The following JAKMIP1 variants were observed in gnomAD, a reference collection of about 807,000 sequenced individuals.
JAKMIP1 encodes the protein janus kinase and microtubule interacting protein 1.
JAKMIP1 carries 33 observed loss-of-function variants against 113.0 expected under a neutral mutation model. That is an observed-to-expected ratio of 0.29 (90% CI 0.22 to 0.39). The LOEUF is 0.39. JAKMIP1 is among the 10% of genes least tolerant of loss of function. JAKMIP1 has a pLI of 1.00. For synonymous variants in JAKMIP1, 480 were observed against 459.9 expected, an observed-to-expected ratio of 1.04 and a Z score of -0.56; for missense variants, 813 against 1,080.5, an observed-to-expected ratio of 0.75 and a Z score of 3.47.
chr4:6,080,429 GA>G lies in JAKMIP1; in HGVS notation c.1102-118del. The G allele has an allele frequency of 8.1e-7, 1 of 1,240,296 alleles. No individual in the cohort carries two copies. The highest frequency in any genetic ancestry group is 1.1e-6 in the Non-Finnish European group (1 of 892,256). The allele number at this position is 1,240,296 out of a possible 1,614,324, so 76.8% of individuals were successfully genotyped here. A position where few individuals can be genotyped will look rare whatever the true frequency, so the allele number is the denominator to read the frequency against. On this transcript the variant is annotated intron_variant, in intron 6 of 20. Coordinates refer to ENST00000409021, the MANE Select transcript of JAKMIP1 (RefSeq NM_001099433.2). This position sits in a 1 kb window ranked among gnomAD's most constrained non-coding sequence, Gnocchi z 6.0. ...CAGAAGGATGGATGGGAGGATGAAAGAGATGATGGCCTGATATGGTTTGGCT... is the reference window on the plus strand; with the variant it reads ...CAGAAGGATGGATGGGAGGATGAAAGGATGATGGCCTGATATGGTTTGGCT...
intron 1 of JAKMIP1, among the ~76,000 whole-genome samples, chr4:6,170,281 C>T (rs1156700892): frequency 7.4e-5 from 11 of 147,962 alleles, no homozygotes; most frequent in Admixed American, 2.7e-4. Flanking sequence ...CCACCATCAC[C>T]ACCACCATCA....
In JAKMIP1 at chr4:6,049,802, C is replaced by T. The variant is rs763107550; in HGVS notation, c.1962+17G>A. On this transcript the variant is annotated intron_variant, in intron 15 of 20. Transcript: ENST00000409021. The surrounding 1 kb of genome is among the most constrained non-coding windows in gnomAD (Gnocchi z 7.0). ...AAAACAAGAACACGAAAGCAGAAAC[C>T]GATCGCTCATAGTTACCCCGTTATC... 70 of 1,596,896 alleles carry T rather than the reference C, an allele frequency of 4.4e-5. No individual in the cohort carries two copies. Among genetic ancestry groups the T allele is most frequent in the Non-Finnish European group, 5.8e-5 (67 of 1,164,956 alleles).
In JAKMIP1 at chr4:6,059,919, C is replaced by T. The variant is rs958818277; in HGVS notation, c.1644+505G>A. On this transcript the variant is annotated intron_variant, in intron 11 of 20. Coordinates refer to ENST00000409021, the MANE Select transcript of JAKMIP1 (RefSeq NM_001099433.2). This position sits in a 1 kb window ranked among gnomAD's most constrained non-coding sequence, Gnocchi z 4.8. ...GGCATTGCTTTTCTGCTGTGTCTCACTGTCAACCAGCCTTGCCTAATCAAA... is the reference window on the plus strand; with the variant it reads ...GGCATTGCTTTTCTGCTGTGTCTCATTGTCAACCAGCCTTGCCTAATCAAA... Among the ~76,000 whole-genome samples the T allele has an allele frequency of 2.6e-5, 4 of 152,162 alleles. No individual in the cohort carries two copies. Among genetic ancestry groups the T allele is most frequent in the African/African-American group, 9.7e-5 (4 of 41,436 alleles).
chr4:6,040,049 C>A lies in JAKMIP1; in HGVS notation c.2175+590G>T, dbSNP rs778443083. On this transcript the variant is annotated intron_variant, in intron 18 of 20. Coordinates refer to ENST00000409021, the MANE Select transcript of JAKMIP1 (RefSeq NM_001099433.2). The surrounding 1 kb of genome is among the most constrained non-coding windows in gnomAD (Gnocchi z 5.8). ...GCAGCGACAAGTTTCTATGATCTTA[C>A]TCAACTCCCCTCCACCCCGAAGGAG... is the stretch of plus-strand genomic sequence containing the variant. 1.3e-5 allele frequency among the ~76,000 whole-genome samples: 2 copies of A among 152,224 alleles called. No individual in the cohort carries two copies. The highest frequency in any genetic ancestry group is 2.9e-5 in the Non-Finnish European group (2 of 68,048).
In JAKMIP1 at chr4:6,105,746, C is replaced by A. The variant is rs748069967; in HGVS notation, c.351G>T (p.Leu117=). Residue 117 remains leucine, a synonymous_variant, in exon 3 of 21, where the codon CTG becomes CTT. Transcript: ENST00000409021. ...EGELQRLQAT[L]NVLRDGAADK... is the part of the protein sequence containing the mutation. ...CGGCCGCGCCGTCGCGCAGCACGTT[C>A]AGCGTGGCCTGCAGCCGCTGCAGCT... is the stretch of plus-strand genomic sequence containing the variant. 38 of 1,602,508 alleles carry A rather than the reference C, an allele frequency of 2.4e-5. No homozygotes were observed. Among genetic ancestry groups the A allele is most frequent in the Admixed American group, 5.0e-5 (3 of 59,694 alleles).
At chr4:6,104,679 G>A (rs1267221390) in intron 3 of JAKMIP1, among the ~76,000 whole-genome samples, 1 of 152,246 alleles carries the variant, frequency 6.6e-6, no homozygotes, top group Non-Finnish European at 1.5e-5. Flanking sequence ...CAAACGCCCT[G>A]AGGGGCAGAC....
At position 6,179,985 on chromosome 4, in the gene JAKMIP1, C is replaced by A. The variant is rs1245720310; in HGVS notation, c.-148+20268G>T. Among the ~76,000 whole-genome samples the A allele has an allele frequency of 6.6e-6, 1 of 152,192 alleles. No homozygotes were observed. Among genetic ancestry groups the A allele is most frequent in the Non-Finnish European group, 1.5e-5 (1 of 68,044 alleles). On this transcript the variant is annotated intron_variant, in intron 1 of 20. Coordinates refer to ENST00000409021, the MANE Select transcript of JAKMIP1 (RefSeq NM_001099433.2). The surrounding 1 kb of genome is among the most constrained non-coding windows in gnomAD (Gnocchi z 4.5). ...TCTGTTTTGTTTTCTATCCCTAGGACCAGCAGCATGCCTGACATCCTCTTA... is the reference window on the plus strand; with the variant it reads ...TCTGTTTTGTTTTCTATCCCTAGGAACAGCAGCATGCCTGACATCCTCTTA...
chr4:6,054,677 A>G (rs1395000281), intron 12 of JAKMIP1: 1 of 454,450 alleles, frequency 2.2e-6, no homozygotes, highest in Non-Finnish European at 4.4e-6. Context: ...CAGTGTGGGA[A>G]GTGACACCGC....
At position 6,192,762 on chromosome 4, in the gene JAKMIP1, G is replaced by T. The variant is rs1367181654; in HGVS notation, c.-148+7491C>A. ...ATTCTAGCTTCTGGGGAGGGGAAAT[G>T]AGAATAAAATCATTTCAGATCATGA... On this transcript the variant is annotated intron_variant, in intron 1 of 20. Coordinates refer to ENST00000409021, the MANE Select transcript of JAKMIP1 (RefSeq NM_001099433.2). This position sits in a 1 kb window ranked among gnomAD's most constrained non-coding sequence, Gnocchi z 5.0. 6.6e-6 allele frequency among the ~76,000 whole-genome samples: 1 copy of T among 152,146 alleles called. No individual in the cohort carries two copies. Among genetic ancestry groups the T allele is most frequent in the Non-Finnish European group, 1.5e-5 (1 of 68,028 alleles).
rs1293115477 is a variant in JAKMIP1 at position 6,197,898 on chromosome 4, C to A, written c.-148+2355G>T. Among the ~76,000 whole-genome samples the A allele has an allele frequency of 1.3e-5, 2 of 152,256 alleles. No homozygotes were observed. The highest frequency in any genetic ancestry group is 4.8e-5 in the African/African-American group (2 of 41,474). ...GTTCCCTCTGCCACTTGTCCCACAG[C>A]CCAATCCACCCTTACACACCAAGAG... On this transcript the variant is annotated intron_variant, in intron 1 of 20. Coordinates refer to ENST00000409021, the MANE Select transcript of JAKMIP1 (RefSeq NM_001099433.2). This position sits in a 1 kb window ranked among gnomAD's most constrained non-coding sequence, Gnocchi z 6.5.
chr4:6,088,028 C>T lies in JAKMIP1; in HGVS notation c.625-2399G>A, dbSNP rs1455754641. Among the ~76,000 whole-genome samples the T allele has an allele frequency of 6.6e-6, 1 of 152,178 alleles. No homozygotes were observed. Among genetic ancestry groups the T allele is most frequent in the Non-Finnish European group, 1.5e-5 (1 of 68,036 alleles). Reference sequence around the variant, plus strand: ...GAAAACACCACTGCCAATGTAGATGCCAACCCCAAAGCAAAAATCATTATG... The same window carrying T: ...GAAAACACCACTGCCAATGTAGATGTCAACCCCAAAGCAAAAATCATTATG... On this transcript the variant is annotated intron_variant, in intron 3 of 20. Coordinates refer to ENST00000409021, the MANE Select transcript of JAKMIP1 (RefSeq NM_001099433.2). This position sits in a 1 kb window ranked among gnomAD's most constrained non-coding sequence, Gnocchi z 5.5.
chr4:6,152,223 G>A (rs1030063674), intron 1 of JAKMIP1, among the ~76,000 whole-genome samples: 4 of 152,184 alleles, frequency 2.6e-5, no homozygotes, highest in Non-Finnish European at 2.9e-5. Context: ...ACCAGCAAAC[G>A]CTGCTCTAAA....
Position 6,065,909 on chromosome 4 carries a change from A to T in JAKMIP1, c.1303-901T>A, listed in dbSNP as rs1416240882. Among the ~76,000 whole-genome samples the T allele has an allele frequency of 6.6e-6, 1 of 152,232 alleles. No homozygotes were observed. The highest frequency in any genetic ancestry group is 1.5e-5 in the Non-Finnish European group (1 of 68,040). On this transcript the variant is annotated intron_variant, in intron 8 of 20. Transcript: ENST00000409021. The surrounding 1 kb of genome is among the most constrained non-coding windows in gnomAD (Gnocchi z 5.1). ...CATAACCAGGCCAGGTCCCTGCCCC[A>T]AGGAGCTTGCATCCCCTAGGGGCTA...
intron 8 of JAKMIP1, chr4:6,070,180 G>A (rs1718759106): frequency 1.0e-5 from 4 of 398,514 alleles, no homozygotes; most frequent in South Asian, 2.5e-4. Context: ...TGAAGCTGCA[G>A]ACACACCAGC....
In JAKMIP1 at chr4:6,106,559, C is replaced by CCT. The variant is rs1010230696; in HGVS notation, c.130-594_130-593dup. Among the ~76,000 whole-genome samples, 1 of 148,302 alleles carries CCT rather than the reference C, an allele frequency of 6.7e-6. No individual in the cohort carries two copies. The highest frequency in any genetic ancestry group is 1.5e-5 in the Non-Finnish European group (1 of 66,826). On this transcript the variant is annotated intron_variant, in intron 2 of 20. Coordinates refer to ENST00000409021, the MANE Select transcript of JAKMIP1 (RefSeq NM_001099433.2). This position sits in a 1 kb window ranked among gnomAD's most constrained non-coding sequence, Gnocchi z 5.9. ...TCTCTCCTCTCTCTCTCTCTCTCTT[C>CCT]CTCTCTCTCTCCTCTGTTTTATCAT...
intron 1 of JAKMIP1, among the ~76,000 whole-genome samples, chr4:6,117,915 G>C (rs1716074893): frequency 6.6e-6 from 1 of 152,216 alleles, no homozygotes; most frequent in Non-Finnish European, 1.5e-5. Flanking sequence ...AACAATTGCT[G>C]TTATCCTGTT....
rs2109032870 is a variant in JAKMIP1, at chr4:6,176,876, T to C, written c.-148+23377A>G. 6.6e-6 allele frequency among the ~76,000 whole-genome samples: 1 copy of C among 152,122 alleles called. No homozygotes were observed. Among genetic ancestry groups the C allele is most frequent in the South Asian group, 2.1e-4 (1 of 4,810 alleles). On this transcript the variant is annotated intron_variant, in intron 1 of 20. Coordinates refer to ENST00000409021, the MANE Select transcript of JAKMIP1 (RefSeq NM_001099433.2). This position sits in a 1 kb window ranked among gnomAD's most constrained non-coding sequence, Gnocchi z 5.5. ...GGCGAAACCCTGCCTCTACAAAAAA[T>C]ACAAAAATTAGCCAGGCATGGTGGC...
intron 1 of JAKMIP1, among the ~76,000 whole-genome samples, chr4:6,170,487 C>A (rs1368630824): frequency 2.0e-5 from 3 of 151,228 alleles, no homozygotes; most frequent in Non-Finnish European, 3.0e-5. Flanking sequence ...CTCACAACCA[C>A]CCCCAGCACC....
intron 16 of JAKMIP1, among the ~76,000 whole-genome samples, chr4:6,047,038 C>T (rs186433795): frequency 6.6e-6 from 1 of 152,354 alleles, no homozygotes; most frequent in Admixed American, 6.5e-5. Flanking sequence ...TTGATTGAAC[C>T]TGATGGCAAT....
Sources: allele counts gnomAD v4.1 joint callset (sites outside exome capture counted in the v4.1 genomes callset), GRCh38; gene constraint gnomAD v4.1.1; non-coding constraint Gnocchi (gnomAD v3.1); transcripts MANE v1.5; gene names NCBI Gene and HGNC (gene_info 2026-07-23, HGNC 2026-07-21).